The following NDST4 variants were observed in gnomAD, a reference collection of about 807,000 sequenced individuals.
The protein encoded by NDST4 is N-heparan sulfate sulfotransferase 4.
NDST4 carries 63 observed loss-of-function variants against 100.8 expected under a neutral mutation model. The ratio of observed to expected loss-of-function variants is 0.62; its 90% CI spans 0.51 to 0.77. The LOEUF (loss-of-function observed/expected upper bound fraction) is 0.77. Ranked by LOEUF, NDST4 falls within the 30% of genes least tolerant of loss-of-function variation. The pLI, the probability that NDST4 is intolerant of heterozygous loss-of-function variation, is 0.00. For missense variants in NDST4, 943 were observed against 1,018.4 expected (o/e 0.93, Z 1.01); for synonymous variants, 377 against 361.8 (o/e 1.04, Z -0.48).
intron 2 of NDST4, among the ~76,000 whole-genome samples, chr4:115,072,501 T>A (rs192691020): frequency 4.3e-4 from 65 of 151,708 alleles, no homozygotes; most frequent in Non-Finnish European, 2.9e-5. Context: ...CACAGACCAA[T>A]GGAATAAAAT....
intron 6 of NDST4, among the ~76,000 whole-genome samples, chr4:114,889,781 C>T (rs767938285): frequency 1.9e-4 from 29 of 152,224 alleles, no homozygotes; most frequent in Non-Finnish European, 1.3e-4. Context: ...TGTCTAACTT[C>T]GGGCTTCATC....
At chr4:114,958,638 A>G (rs1726193506) in intron 4 of NDST4, among the ~76,000 whole-genome samples, 1 of 152,162 alleles carries the variant, frequency 6.6e-6, no homozygotes, top group South Asian at 2.1e-4. Context: ...GTTCCAGTCC[A>G]GGAATCCATT....
intron 1 of NDST4, among the ~76,000 whole-genome samples, chr4:115,094,283 G>T (rs2126295945): frequency 6.6e-6 from 1 of 152,064 alleles, no homozygotes; most frequent in East Asian, 1.9e-4. Context: ...TTTCCAGAAA[G>T]AAACCTCCAG....
chr4:114,880,098 C>T (rs1724334623), intron 6 of NDST4, among the ~76,000 whole-genome samples: 1 of 152,168 alleles, frequency 6.6e-6, no homozygotes, highest in African/African-American at 2.4e-5. Flanking sequence ...GGCAGCTGTT[C>T]TAACTGAGAA....
chr4:115,080,707 T>TA (rs143877173), intron 1 of NDST4, among the ~76,000 whole-genome samples: 34,155 of 100,826 alleles, frequency 0.34, 5,183 homozygotes, highest in African/African-American at 0.57. Flanking sequence ...TGTGTGTGTG[T>TA]GTAATAATGA....
intron 1 of NDST4, among the ~76,000 whole-genome samples, chr4:115,092,902 A>T (rs1729546618): frequency 6.6e-6 from 1 of 152,198 alleles, no homozygotes; most frequent in Non-Finnish European, 1.5e-5. Context: ...TCTTTCAAAA[A>T]CAAAAATTTG....
In NDST4 at chr4:115,029,818, T is replaced by A. The variant is rs577934735; in HGVS notation, c.978+46241A>T. ...TAGAGAAAATAGTGTTCCTAAGAGA[T>A]CTAGTTTTCAGTTAAGGCACAAGAT... On this transcript the variant is annotated intron_variant, in intron 2 of 13. Transcript: ENST00000264363. Among the ~76,000 whole-genome samples the A allele has an allele frequency of 1.3e-5, 2 of 152,134 alleles. 1 individual carries two copies. Among genetic ancestry groups the A allele is most frequent in the African/African-American group, 4.8e-5 (2 of 41,526 alleles).
At chr4:115,059,162 C>A (rs1463683325) in intron 2 of NDST4, among the ~76,000 whole-genome samples, 1 of 151,832 alleles carries the variant, frequency 6.6e-6, no homozygotes, top group Non-Finnish European at 1.5e-5. Flanking sequence ...GAAAACAAAG[C>A]AATCAACTGA....
chr4:115,109,707 G>C (rs1419509263), intron 1 of NDST4, among the ~76,000 whole-genome samples: 1 of 151,740 alleles, frequency 6.6e-6, no homozygotes, highest in Non-Finnish European at 1.5e-5. Context: ...TATTTATTTA[G>C]TGTTAATGAA....
intron 2 of NDST4, among the ~76,000 whole-genome samples, chr4:115,069,722 C>A (rs1359889647): frequency 6.6e-6 from 1 of 151,886 alleles, no homozygotes; most frequent in Non-Finnish European, 1.5e-5. Context: ...ATGGTGAAAC[C>A]CCATCTCTAC....
intron 1 of NDST4, among the ~76,000 whole-genome samples, chr4:115,112,418 A>G (rs2110348992): frequency 6.6e-6 from 1 of 152,066 alleles, no homozygotes; most frequent in South Asian, 2.1e-4. Flanking sequence ...AATTTATGTT[A>G]AAGCATTTAT....
At chr4:114,878,952 C>A (rs1036561795) in intron 6 of NDST4, among the ~76,000 whole-genome samples, 1 of 151,910 alleles carries the variant, frequency 6.6e-6, no homozygotes, top group Non-Finnish European at 1.5e-5. Flanking sequence ...ATTTTGGATA[C>A]GTGTATACCA....
chr4:114,948,714 A>G (rs908472905), intron 4 of NDST4, among the ~76,000 whole-genome samples: 11 of 152,084 alleles, frequency 7.2e-5, no homozygotes, highest in African/African-American at 2.2e-4. Flanking sequence ...CAGTGTAAAC[A>G]TATTTGGAAA....
chr4:114,896,480 C>T (rs186419421), intron 6 of NDST4, among the ~76,000 whole-genome samples: 1 of 151,902 alleles, frequency 6.6e-6, no homozygotes, highest in Admixed American at 6.5e-5. Flanking sequence ...AAAAATTAGC[C>T]GGGTGTGGTG....
chr4:114,872,875 C>T (rs1036573156), intron 6 of NDST4, among the ~76,000 whole-genome samples: 1 of 151,880 alleles, frequency 6.6e-6, no homozygotes, highest in African/African-American at 2.4e-5. Context: ...CTGAAACCTT[C>T]GCCAAAACAT....
chr4:114,887,407 G>A (rs1385017801), intron 6 of NDST4, among the ~76,000 whole-genome samples: 1 of 152,194 alleles, frequency 6.6e-6, no homozygotes, highest in Non-Finnish European at 1.5e-5. Context: ...TTATAATGCT[G>A]AAGAAGAGTT....
At chr4:115,003,453 C>T (rs532729574) in intron 2 of NDST4, among the ~76,000 whole-genome samples, 1 of 152,216 alleles carries the variant, frequency 6.6e-6, no homozygotes, top group East Asian at 1.9e-4. Flanking sequence ...GTCTATTATT[C>T]TCCAGATTTT....
chr4:114,948,195 T>C (rs996112576), intron 4 of NDST4, among the ~76,000 whole-genome samples: 3 of 152,084 alleles, frequency 2.0e-5, no homozygotes, highest in Admixed American at 1.3e-4. Flanking sequence ...CCCAACTTAA[T>C]GTCAGCTTAA....
At chr4:115,013,055 G>C (rs1044644864) in intron 2 of NDST4, among the ~76,000 whole-genome samples, 7 of 149,896 alleles carry the variant, frequency 4.7e-5, no homozygotes, top group African/African-American at 1.5e-4. Context: ...CCAGGTGTTA[G>C]GAGGGGGTAC....
Sources: allele counts gnomAD v4.1 joint callset (sites outside exome capture counted in the v4.1 genomes callset), GRCh38; gene constraint gnomAD v4.1.1; transcripts MANE v1.5; gene names NCBI Gene and HGNC (gene_info 2026-07-23, HGNC 2026-07-21).